JAKMIP1: variants seen among roughly 807,000 people sequenced by gnomAD.
JAKMIP1 encodes the protein janus kinase and microtubule interacting protein 1.
Under a neutral mutation model 113.0 loss-of-function variants are expected in JAKMIP1, and 33 were observed. The observed-to-expected ratio is 0.29, with a 90% CI of 0.22 to 0.39. JAKMIP1 has a LOEUF of 0.39. JAKMIP1 is among the 10% of genes least tolerant of loss of function. The pLI, the probability that JAKMIP1 is intolerant of heterozygous loss-of-function variation, is 1.00. For synonymous variants in JAKMIP1, 480 were observed against 459.9 expected, an observed-to-expected ratio of 1.04 and a Z score of -0.56; for missense variants, 813 against 1,080.5, an observed-to-expected ratio of 0.75 and a Z score of 3.47.
At chr4:6,170,912 G>GCCACCACCTTTCTTACCATCACCA (rs1240203135) in intron 1 of JAKMIP1, among the ~76,000 whole-genome samples, 2 of 106,976 alleles carry the variant, frequency 1.9e-5, no homozygotes, top group Non-Finnish European at 4.0e-5. Context: ...CACCATCACC[G>GCCACCACCTTTCTTACCATCACCA]CCACCACCTT....
In JAKMIP1 at chr4:6,150,191, G is replaced by C. The variant is rs1458686096; in HGVS notation, c.-147-37194C>G. 6 of 152,298 alleles carry C rather than the reference G, an allele frequency of 3.9e-5. No individual in the cohort carries two copies. Among genetic ancestry groups the C allele is most frequent in the Non-Finnish European group, 8.8e-5 (6 of 68,118 alleles). 9.4% of individuals were successfully genotyped at this position (152,298 alleles called of 1,614,324 possible). On this transcript the variant is annotated intron_variant, in intron 1 of 20. Coordinates refer to ENST00000409021, the MANE Select transcript of JAKMIP1 (RefSeq NM_001099433.2). This position sits in a 1 kb window ranked among gnomAD's most constrained non-coding sequence, Gnocchi z 4.8. ...CATTCTCCTCCATCAGAGAGAGAGAGAGAGAGAAGAAAGTGCTGGCACAGG... is the reference window on the plus strand; with the variant it reads ...CATTCTCCTCCATCAGAGAGAGAGACAGAGAGAAGAAAGTGCTGGCACAGG...
At position 6,088,561 on chromosome 4, in the gene JAKMIP1, G is replaced by A. The variant is rs1721616364; in HGVS notation, c.625-2932C>T. On this transcript the variant is annotated intron_variant, in intron 3 of 20. Transcript: ENST00000409021. The surrounding 1 kb of genome is among the most constrained non-coding windows in gnomAD (Gnocchi z 5.5). ...CTTCTGCCCCAGTCATCACAAGAAA[G>A]TTTCCTAGAAAATATTCTCAAACAG... 6.6e-6 allele frequency among the ~76,000 whole-genome samples: 1 copy of A among 152,186 alleles called. No homozygotes were observed. Among genetic ancestry groups the A allele is most frequent in the South Asian group, 2.1e-4 (1 of 4,836 alleles).
intron 1 of JAKMIP1, among the ~76,000 whole-genome samples, chr4:6,119,413 G>A (rs113487242): frequency 1.2e-3 from 177 of 152,256 alleles, no homozygotes; most frequent in African/African-American, 4.1e-3. Context: ...GCGTGGTTGC[G>A]CATGGCTGTA....
Position 6,088,393 on chromosome 4 carries a change from C to T in JAKMIP1, c.625-2764G>A, listed in dbSNP as rs556493018. ...GTTCTTGTCTGCCCCTCAGTATCAG[C>T]TTTGCAGTGAAGCCCCCGCCACTGC... On this transcript the variant is annotated intron_variant, in intron 3 of 20. Coordinates refer to ENST00000409021, the MANE Select transcript of JAKMIP1 (RefSeq NM_001099433.2). The surrounding 1 kb of genome is among the most constrained non-coding windows in gnomAD (Gnocchi z 5.5). Among the ~76,000 whole-genome samples the T allele has an allele frequency of 1.7e-4, 26 of 152,308 alleles. No homozygotes were observed. The South Asian group carries it at 5.4e-3, about 32-fold the overall frequency.
At chr4:6,104,273 T>C (rs1038661217) in intron 3 of JAKMIP1, among the ~76,000 whole-genome samples, 1 of 152,252 alleles carries the variant, frequency 6.6e-6, no homozygotes, top group Non-Finnish European at 1.5e-5. Flanking sequence ...TGTGTTCTAC[T>C]GTTTGCTGAG....
chr4:6,092,657 C>G (rs772631623), intron 3 of JAKMIP1, among the ~76,000 whole-genome samples: 1 of 152,192 alleles, frequency 6.6e-6, no homozygotes, highest in Non-Finnish European at 1.5e-5. Context: ...AAGCATGGCC[C>G]CTTCTAAGAG....
intron 3 of JAKMIP1, among the ~76,000 whole-genome samples, chr4:6,103,288 A>G (rs889936163): frequency 6.6e-6 from 1 of 152,078 alleles, no homozygotes; most frequent in South Asian, 2.1e-4. Flanking sequence ...CTTTTTTATC[A>G]TATTATTATG....
At chr4:6,109,882 A>G (rs1222969374) in intron 2 of JAKMIP1, among the ~76,000 whole-genome samples, 1 of 152,210 alleles carries the variant, frequency 6.6e-6, no homozygotes. Context: ...CTGAATTCTC[A>G]GAGAATTGAA....
intron 1 of JAKMIP1, among the ~76,000 whole-genome samples, chr4:6,123,181 C>G (rs1038907420): frequency 2.6e-5 from 4 of 152,326 alleles, no homozygotes; most frequent in Non-Finnish European, 4.4e-5. Flanking sequence ...TGTACAGTCC[C>G]GTGGAACAGA....
At chr4:6,175,411 T>C (rs1318951379) in intron 1 of JAKMIP1, among the ~76,000 whole-genome samples, 1 of 152,238 alleles carries the variant, frequency 6.6e-6, no homozygotes, top group African/African-American at 2.4e-5. Flanking sequence ...AGTTCAGCGC[T>C]GGGAGTACAG....
At chr4:6,101,610 G>T (rs1270406620) in intron 3 of JAKMIP1, among the ~76,000 whole-genome samples, 2 of 151,868 alleles carry the variant, frequency 1.3e-5, no homozygotes, top group African/African-American at 2.4e-5. Flanking sequence ...CTGGTGGCTG[G>T]GCGTGGTGAC....
intron 3 of JAKMIP1, among the ~76,000 whole-genome samples, chr4:6,098,722 A>AGG (rs1712449992): frequency 7.7e-5 from 1 of 12,978 alleles, no homozygotes; most frequent in Non-Finnish European, 1.8e-4. Context: ...GAAAGAAAGA[A>AGG]AAAGAAAGAA....
In JAKMIP1 at chr4:6,042,608, C is replaced by A. The variant is rs1263422868; in HGVS notation, c.2029-381G>T. ...GAGACCTCATCTGACTCTCTTACGA[C>A]CACCCCAAGCAGTAGGCAGCGTCAC... On this transcript the variant is annotated intron_variant, in intron 16 of 20. Transcript: ENST00000409021. This position sits in a 1 kb window ranked among gnomAD's most constrained non-coding sequence, Gnocchi z 5.2. Among the ~76,000 whole-genome samples the A allele has an allele frequency of 6.6e-6, 1 of 151,920 alleles. No individual in the cohort carries two copies. The highest frequency in any genetic ancestry group is 1.5e-5 in the Non-Finnish European group (1 of 68,004).
chr4:6,119,491 C>T (rs1302270060), intron 1 of JAKMIP1, among the ~76,000 whole-genome samples: 1 of 151,972 alleles, frequency 6.6e-6, no homozygotes, highest in African/African-American at 2.4e-5. Flanking sequence ...TTGCGGTGAG[C>T]CGAGATCACG....
Position 6,089,745 on chromosome 4 carries a change from A to C in JAKMIP1, c.625-4116T>G, listed in dbSNP as rs1033150155. 2.0e-5 allele frequency among the ~76,000 whole-genome samples: 3 copies of C among 152,234 alleles called. No homozygotes were observed. Among genetic ancestry groups the C allele is most frequent in the African/African-American group, 2.4e-5 (1 of 41,462 alleles). On this transcript the variant is annotated intron_variant, in intron 3 of 20. Transcript: ENST00000409021. This position sits in a 1 kb window ranked among gnomAD's most constrained non-coding sequence, Gnocchi z 5.3. ...GTTTGGGGGAATCAAAGACTGAAGC[A>C]GAGGCCACTACCTCAACATCAATTC...
chr4:6,151,513 A>T (rs905069174), intron 1 of JAKMIP1, among the ~76,000 whole-genome samples: 1 of 151,104 alleles, frequency 6.6e-6, no homozygotes, highest in Non-Finnish European at 1.5e-5. Context: ...CATTCTCACC[A>T]CCCCAGACCT....
intron 18 of JAKMIP1, among the ~76,000 whole-genome samples, chr4:6,039,024 G>C (rs949941908): frequency 3.3e-5 from 5 of 152,232 alleles, no homozygotes; most frequent in African/African-American, 1.2e-4. Flanking sequence ...CTGTTCATGA[G>C]AATCCAGGGG....
chr4:6,056,001 G>C (rs1716377095), intron 12 of JAKMIP1, among the ~76,000 whole-genome samples: 1 of 146,760 alleles, frequency 6.8e-6, no homozygotes, highest in African/African-American at 2.6e-5. Flanking sequence ...CCCCATCTCT[G>C]CAGGGTATCC....
rs572975051 is a variant in JAKMIP1 at position 6,168,088 on chromosome 4, G to C, written c.-148+32165C>G. 6.6e-6 allele frequency among the ~76,000 whole-genome samples: 1 copy of C among 152,318 alleles called. No individual in the cohort carries two copies. The highest frequency in any genetic ancestry group is 2.1e-4 in the South Asian group (1 of 4,832). On this transcript the variant is annotated intron_variant, in intron 1 of 20. Coordinates refer to ENST00000409021, the MANE Select transcript of JAKMIP1 (RefSeq NM_001099433.2). The surrounding 1 kb of genome is among the most constrained non-coding windows in gnomAD (Gnocchi z 4.6). The stretch of plus-strand genomic sequence containing the variant: ...GTAATACCAATCAAAACCGCAGTGA[G>C]ACGGCACCACACACCACCCAGGACG...
Sources: gnomAD v4.1 joint callset for allele counts (sites outside exome capture counted in the v4.1 genomes callset) on GRCh38, gnomAD v4.1.1 for gene constraint, Gnocchi (gnomAD v3.1) non-coding constraint, MANE v1.5 for transcripts, NCBI Gene and HGNC (gene_info 2026-07-23, HGNC 2026-07-21) for gene names.